CHD2: variants seen among roughly 807,000 people sequenced by gnomAD.
The protein encoded by CHD2 is ATP-dependent chromatin remodeler CHD2.
Under a neutral mutation model 243.9 loss-of-function variants are expected in CHD2, and 28 were observed. That is an observed-to-expected ratio of 0.11 (90% CI 0.09 to 0.16). The LOEUF is 0.16. Among genes scored for constraint, CHD2 ranks in the 10% least tolerant of loss-of-function variants. CHD2 has a pLI of 1.00. For synonymous variants in CHD2, 775 were observed against 779.0 expected (o/e 0.99, Z 0.09); for missense variants, 1,386 against 2,209.8 (o/e 0.63, Z 7.47).
At chr15:92,992,665 A>G (rs1384798720) in intron 27 of CHD2, among the ~76,000 whole-genome samples, 194 bp from the exon 28 acceptor site, 2 of 152,166 alleles carry the variant, frequency 1.3e-5, no homozygotes, top group African/African-American at 2.4e-5. Flanking sequence ...ACAATTCTTT[A>G]TGATGGAAAA....
chr15:92,984,043 T>C (rs1023410708), intron 24 of CHD2, among the ~76,000 whole-genome samples: 8 of 152,330 alleles, frequency 5.3e-5, no homozygotes, highest in African/African-American at 1.9e-4. Context: ...AACATGTATA[T>C]GATTTATAAC....
intron 38 of CHD2, among the ~76,000 whole-genome samples, chr15:93,023,166 A>G (rs995362426): frequency 6.6e-6 from 1 of 152,156 alleles, no homozygotes; most frequent in Non-Finnish European, 1.5e-5. Flanking sequence ...TATAACCATT[A>G]AATAATCCTT....
intron 24 of CHD2, among the ~76,000 whole-genome samples, chr15:92,982,938 T>A (rs2053998031): frequency 6.6e-6 from 1 of 152,158 alleles, no homozygotes; most frequent in Admixed American, 6.5e-5. Context: ...TAGAAATGTA[T>A]TTCTCACAGT....
chr15:92,934,270 A>G (rs949374121), intron 5 of CHD2, among the ~76,000 whole-genome samples: 4 of 152,234 alleles, frequency 2.6e-5, no homozygotes, highest in African/African-American at 9.6e-5. Context: ...TTCCCAATAA[A>G]GGAAGAAAAC....
At chr15:92,975,461 T>C (rs1038307310) in intron 20 of CHD2, among the ~76,000 whole-genome samples, 2 of 152,206 alleles carry the variant, frequency 1.3e-5, no homozygotes, top group East Asian at 3.8e-4. Context: ...ATAGAAGAGC[T>C]ACTTAGGATG....
chr15:93,001,234 C>CA (rs1308232805), intron 32 of CHD2, among the ~76,000 whole-genome samples: 4 of 152,124 alleles, frequency 2.6e-5, no homozygotes, highest in African/African-American at 9.7e-5. Flanking sequence ...GGGGAGTGGT[C>CA]AGGACTGTGG....
chr15:92,960,789 A>G (rs548921762), intron 16 of CHD2, among the ~76,000 whole-genome samples: 9 of 136,066 alleles, frequency 6.6e-5, no homozygotes, highest in African/African-American at 2.5e-4. Context: ...ATCTCGGCTC[A>G]CTGCAACCTC....
At position 93,002,239 on chromosome 15, in the gene CHD2, C is replaced by T; in HGVS notation, c.4200C>T (p.Asn1400=). 6.3e-7 allele frequency: 1 copy of T among 1,592,902 alleles called. No individual in the cohort carries two copies. Among genetic ancestry groups the T allele is most frequent in the Non-Finnish European group, 8.6e-7 (1 of 1,169,142 alleles). The stretch of plus-strand genomic sequence containing the variant: ...AGAAGAAGAAAGAGAACAAGGAGAA[C>T]AAGGAGAAACAAATGAGTTCTAGGA... The part of the protein sequence containing the change: ...KKQKKKENKE[N]KEKQMSSRKD... Residue 1400 remains asparagine (N), a synonymous_variant, in exon 33 of 39, where the codon AAC becomes AAT. Transcript: ENST00000394196.
At chr15:92,991,127 G>A (rs1418221715) in intron 26 of CHD2, among the ~76,000 whole-genome samples, 3 of 151,896 alleles carry the variant, frequency 2.0e-5, no homozygotes, top group African/African-American at 4.8e-5. Context: ...CAATAGAGTC[G>A]TGATGATTGA....
chr15:92,985,244 G>A (rs1442856832), intron 25 of CHD2, among the ~76,000 whole-genome samples: 1 of 152,064 alleles, frequency 6.6e-6, no homozygotes, highest in African/African-American at 2.4e-5. Flanking sequence ...GTTTTATAAT[G>A]GGATATTGTA....
chr15:92,974,688 A>G, intron 19 of CHD2, 191 bp from the exon 20 acceptor site: 1 of 502,324 alleles, frequency 2.0e-6, no homozygotes, highest in Non-Finnish European at 3.6e-6. Context: ...TTGAGTCTGT[A>G]ACTGGAGAGC....
chr15:92,954,303 G>A (rs1246505026), intron 14 of CHD2: 2 of 152,234 alleles, frequency 1.3e-5, no homozygotes, highest in South Asian at 2.1e-4. Context: ...ACCCTAGCGA[G>A]CAAGAATGTG....
At chr15:92,994,482 T>C (rs2054162116) in intron 28 of CHD2, among the ~76,000 whole-genome samples, 1 of 152,102 alleles carries the variant, frequency 6.6e-6, no homozygotes, top group African/African-American at 2.4e-5. Context: ...AGTCAAAACT[T>C]ATTTTAAGAT....
In CHD2 at chr15:92,939,619, A is replaced by G. The variant is rs927044414; in HGVS notation, c.593A>G (p.Gln198Arg). 6.2e-7 allele frequency: 1 copy of G among 1,614,222 alleles called. No homozygotes were observed. Residue 198 changes from glutamine to arginine, a missense_variant, in exon 7 of 39, where the codon CAG (glutamine) becomes CGG (arginine). Transcript: ENST00000394196. Reference sequence around the variant, plus strand: ...CGTGTTAAAAAGCAGCCGAAGACTCAGCGTGGAAAGAGAAAAAAGCAAGAT... The same window carrying G: ...CGTGTTAAAAAGCAGCCGAAGACTCGGCGTGGAAAGAGAAAAAAGCAAGAT... Reference protein sequence around the residue: ...KPRVKKQPKTQRGKRKKQDSS... With the variant: ...KPRVKKQPKTRRGKRKKQDSS...
chr15:92,905,025 T>G (rs1301062698), intron 2 of CHD2: 2 of 1,527,752 alleles, frequency 1.3e-6, no homozygotes, highest in Non-Finnish European at 8.8e-7. Context: ...ATGTGCTAAG[T>G]ACTATATATT....
intron 2 of CHD2, among the ~76,000 whole-genome samples, chr15:92,910,908 T>G (rs756161649): frequency 1.3e-5 from 2 of 152,170 alleles, no homozygotes; most frequent in African/African-American, 2.4e-5. Flanking sequence ...ACTGCACACT[T>G]ATGCTGTAGC....
chr15:92,949,142 GA>G (rs2053517195), intron 13 of CHD2, 66 bp downstream of exon 13: 35 of 1,576,240 alleles, frequency 2.2e-5, no homozygotes, highest in Non-Finnish European at 2.9e-5. Flanking sequence ...TAGATGTCAA[GA>G]ATTTTTTTTT....
chr15:93,011,242 C>T (rs111663342), intron 35 of CHD2, among the ~76,000 whole-genome samples: 23 of 152,232 alleles, frequency 1.5e-4, no homozygotes, highest in African/African-American at 4.3e-4. Flanking sequence ...GGTAAGCCCT[C>T]GGAGAAACTG....
intron 1 of CHD2, 44 bp from the exon 2 acceptor site, chr15:92,901,123 A>G: frequency 1.4e-6 from 1 of 692,080 alleles, no homozygotes; most frequent in Non-Finnish European, 2.6e-6. Context: ...AATAAAAAGC[A>G]TCGATAGAAG....
Sources: allele counts gnomAD v4.1 joint callset (sites outside exome capture counted in the v4.1 genomes callset), GRCh38; gene constraint gnomAD v4.1.1; transcripts MANE v1.5; gene names NCBI Gene and HGNC (gene_info 2026-07-23, HGNC 2026-07-21).